The following MAP3K5 variants were observed in gnomAD, a reference collection of about 807,000 sequenced individuals.
MAP3K5 encodes the protein mitogen-activated protein kinase kinase kinase 5, also known as ASK-1.
Under a neutral mutation model 158.7 loss-of-function variants are expected in MAP3K5, and 56 were observed. The observed-to-expected ratio is 0.35, with a 90% CI of 0.28 to 0.44. MAP3K5 has a LOEUF of 0.44. Ranked by LOEUF, MAP3K5 falls within the 20% of genes least tolerant of loss-of-function variation. MAP3K5 has a pLI of 1.00. For missense variants in MAP3K5, 1,294 were observed against 1,674.8 expected (o/e 0.77, Z 3.97); for synonymous variants, 579 against 601.7 (o/e 0.96, Z 0.55).
Position 136,567,706 on chromosome 6 carries a change from G to T in MAP3K5, c.3686C>A (p.Thr1229Asn). The change falls in exon 26 of 30, where the codon ACT becomes AAT. Residue 1229 changes from threonine (T) to asparagine (N), a missense_variant. By Grantham distance (65) the Thr-to-Asn change is moderately conservative. This residue lies in a region of MAP3K5 where 199 missense variants were observed against 220.3 expected (regional missense o/e 0.90). Transcript: ENST00000359015. ...ATSGVSTLSS[T>N]VSHDSQSAHR... ...AGCACTCTGGGAATCATGAGACACA[G>T]TAGAACTGAGCGTGCTCACGCCTGA... 6.2e-7 allele frequency: 1 copy of T among 1,614,162 alleles called. No homozygotes were observed. Among genetic ancestry groups the T allele is most frequent in the South Asian group, 1.1e-5 (1 of 91,086 alleles).
intron 7 of MAP3K5, among the ~76,000 whole-genome samples, chr6:136,672,920 G>A (rs1161247114): frequency 1.3e-5 from 2 of 150,944 alleles, no homozygotes; most frequent in Non-Finnish European, 2.9e-5. Flanking sequence ...AACCCCGGAG[G>A]TGGAGGTTGC....
intron 1 of MAP3K5, among the ~76,000 whole-genome samples, chr6:136,784,461 T>C (rs1360006958): frequency 6.6e-6 from 1 of 152,192 alleles, no homozygotes; most frequent in East Asian, 1.9e-4. Context: ...TGGCAGCTGC[T>C]ACAATGGTGT....
chr6:136,675,223 T>C (rs562611424), intron 7 of MAP3K5, among the ~76,000 whole-genome samples: 54 of 152,130 alleles, frequency 3.5e-4, no homozygotes, highest in African/African-American at 1.1e-3. Flanking sequence ...AAAGCAGATA[T>C]AGAAATCTAC....
intron 15 of MAP3K5, among the ~76,000 whole-genome samples, chr6:136,615,956 A>G (rs1458983987): frequency 1.2e-4 from 18 of 152,178 alleles, no homozygotes; most frequent in African/African-American, 4.1e-4. Flanking sequence ...ATTTAAATTC[A>G]TTTAATTTAA....
At chr6:136,708,248 TATTA>T (rs763141359) in intron 2 of MAP3K5, among the ~76,000 whole-genome samples, 1 of 151,494 alleles carries the variant, frequency 6.6e-6, no homozygotes, top group African/African-American at 2.4e-5. Flanking sequence ...TGTTACTTAG[TATTA>T]ATTATTTTTT....
intron 1 of MAP3K5, among the ~76,000 whole-genome samples, chr6:136,757,603 T>TTTTTG (rs1783561538): frequency 6.7e-6 from 1 of 149,538 alleles, no homozygotes; most frequent in Admixed American, 6.7e-5. Context: ...TTTTTTTTTT[T>TTTTTG]TGAGACGGAG....
chr6:136,666,314 T>TA (rs1779229597), intron 8 of MAP3K5, among the ~76,000 whole-genome samples: 1 of 152,218 alleles, frequency 6.6e-6, no homozygotes, highest in Non-Finnish European at 1.5e-5. Flanking sequence ...GATCTTAAGA[T>TA]AATACATTTA....
intron 19 of MAP3K5, among the ~76,000 whole-genome samples, chr6:136,602,687 A>G (rs759944459): frequency 1.6e-4 from 25 of 152,182 alleles, no homozygotes; most frequent in Admixed American, 3.9e-4. Flanking sequence ...ATCTCATCAA[A>G]TCCTTCCAAC....
At chr6:136,631,500 T>C (rs1456407403) in intron 14 of MAP3K5, among the ~76,000 whole-genome samples, 1 of 151,546 alleles carries the variant, frequency 6.6e-6, no homozygotes, top group Non-Finnish European at 1.5e-5. Context: ...CAAATGAAAA[T>C]AATGTCACTT....
chr6:136,578,957 G>A (rs987017005), intron 25 of MAP3K5, among the ~76,000 whole-genome samples: 1 of 151,586 alleles, frequency 6.6e-6, no homozygotes, highest in Admixed American at 6.6e-5. Context: ...GACAGCTTGA[G>A]CCCAGGGGTT....
At chr6:136,595,012 T>C (rs549113850) in intron 21 of MAP3K5, among the ~76,000 whole-genome samples, 69 of 152,194 alleles carry the variant, frequency 4.5e-4, no homozygotes, top group Non-Finnish European at 8.4e-4. Flanking sequence ...CTGTATATGC[T>C]TAAGGATGGA....
intron 1 of MAP3K5, among the ~76,000 whole-genome samples, chr6:136,762,195 C>T (rs1783788752): frequency 6.6e-6 from 1 of 151,732 alleles, no homozygotes; most frequent in South Asian, 2.1e-4. Flanking sequence ...ATCCTGATGC[C>T]CAGCCAGGGA....
chr6:136,695,793 G>A (rs1780578215), intron 6 of MAP3K5, among the ~76,000 whole-genome samples, 158 bp downstream of exon 6: 1 of 152,168 alleles, frequency 6.6e-6, no homozygotes, highest in Non-Finnish European at 1.5e-5. Flanking sequence ...AAATGAGAAT[G>A]CATGCTTCCT....
At chr6:136,767,665 T>A (rs1455341969) in intron 1 of MAP3K5, among the ~76,000 whole-genome samples, 2 of 152,218 alleles carry the variant, frequency 1.3e-5, no homozygotes, top group Non-Finnish European at 2.9e-5. Flanking sequence ...AAGATCTAAC[T>A]GCCTTTTTTG....
intron 1 of MAP3K5, among the ~76,000 whole-genome samples, chr6:136,790,136 T>G (rs1042028781): frequency 3.9e-5 from 6 of 152,198 alleles, no homozygotes; most frequent in African/African-American, 1.4e-4. Context: ...GTTTGGAGGA[T>G]TCAATGAAAT....
chr6:136,622,427 G>C (rs890471623), intron 15 of MAP3K5, among the ~76,000 whole-genome samples: 1 of 152,098 alleles, frequency 6.6e-6, no homozygotes, highest in Non-Finnish European at 1.5e-5. Flanking sequence ...GCAACTTCAC[G>C]GACGAATCCA....
At chr6:136,667,207 G>A (rs970476594) in intron 8 of MAP3K5, among the ~76,000 whole-genome samples, 1 of 151,748 alleles carries the variant, frequency 6.6e-6, no homozygotes, top group African/African-American at 2.4e-5. Flanking sequence ...TATCAAAATA[G>A]AACATATATA....
intron 1 of MAP3K5, among the ~76,000 whole-genome samples, chr6:136,777,575 G>A (rs1784447536): frequency 6.6e-6 from 1 of 152,186 alleles, no homozygotes; most frequent in African/African-American, 2.4e-5. Context: ...CTGTATGTAT[G>A]TGACTCAAAA....
intron 7 of MAP3K5, among the ~76,000 whole-genome samples, chr6:136,692,063 TTTTTTTTC>T (rs1052439217): frequency 2.2e-4 from 33 of 150,504 alleles, no homozygotes; most frequent in African/African-American, 6.7e-4. Flanking sequence ...TTTTTCTTTC[TTTTTTTTC>T]TTTTTTTCTT....
Sources: gnomAD v4.1 joint callset for allele counts (sites outside exome capture counted in the v4.1 genomes callset) on GRCh38, gnomAD v4.1.1 for gene constraint, gnomAD v4.1.1 regional missense constraint, MANE v1.5 for transcripts, NCBI Gene and HGNC (gene_info 2026-07-23, HGNC 2026-07-21) for gene names.